The following CPNE5 variants were observed in gnomAD, a reference collection of about 807,000 sequenced individuals.
The protein encoded by CPNE5 is copine 5.
Under a neutral mutation model 81.1 loss-of-function variants are expected in CPNE5, and 42 were observed. That is an observed-to-expected ratio of 0.52 (90% CI 0.40 to 0.67). The LOEUF is 0.67. Ranked by LOEUF, CPNE5 falls within the 30% of genes least tolerant of loss-of-function variation. The pLI, the probability that CPNE5 is intolerant of heterozygous loss-of-function variation, is 0.00. For synonymous variants in CPNE5, 313 were observed against 321.5 expected, an observed-to-expected ratio of 0.97 and a Z score of 0.28; for missense variants, 612 against 815.5, an observed-to-expected ratio of 0.75 and a Z score of 3.04.
At chr6:36,764,016 G>A (rs941415461) in intron 11 of CPNE5, among the ~76,000 whole-genome samples, 1 of 152,146 alleles carries the variant, frequency 6.6e-6, no homozygotes, top group African/African-American at 2.4e-5. Flanking sequence ...GAGGGCCTTG[G>A]TCAATGTGCT....
At chr6:36,814,929 G>A (rs750039335) in intron 3 of CPNE5, among the ~76,000 whole-genome samples, 6 of 152,132 alleles carry the variant, frequency 3.9e-5, no homozygotes, top group East Asian at 3.9e-4. Flanking sequence ...CACTTTGGGA[G>A]GCCAAGGCAG....
At chr6:36,765,239 G>A (rs111864259) in intron 11 of CPNE5, 96 bp downstream of exon 11, 98 of 1,390,116 alleles carry the variant, frequency 7.0e-5, no homozygotes, top group South Asian at 6.6e-4. Flanking sequence ...GCCACTGCGG[G>A]GGGGAGCCTG....
At chr6:36,747,132 G>A (rs1009301446) in intron 15 of CPNE5, among the ~76,000 whole-genome samples, 27 of 152,080 alleles carry the variant, frequency 1.8e-4, no homozygotes, top group African/African-American at 5.8e-4. Flanking sequence ...TCCCTGGCCC[G>A]CTCCCTGGCC....
At chr6:36,797,064 C>T (rs548971627) in intron 6 of CPNE5, among the ~76,000 whole-genome samples, 22 of 152,272 alleles carry the variant, frequency 1.4e-4, no homozygotes, top group African/African-American at 5.3e-4. Flanking sequence ...ACCACCACAC[C>T]CAGCTAATTT....
At chr6:36,825,023 T>A (rs1342361534) in intron 1 of CPNE5, among the ~76,000 whole-genome samples, 1 of 152,124 alleles carries the variant, frequency 6.6e-6, no homozygotes, top group African/African-American at 2.4e-5. Context: ...TCCTCCATGA[T>A]GGGGACATGA....
intron 8 of CPNE5, among the ~76,000 whole-genome samples, chr6:36,782,851 A>ACACC (rs1173172501): frequency 6.6e-6 from 1 of 151,454 alleles, no homozygotes; most frequent in East Asian, 1.9e-4. Context: ...ACACACACAC[A>ACACC]CACACACACA....
chr6:36,752,510 GTCCCCC>G (rs1428329170), intron 14 of CPNE5: 1 of 152,692 alleles, frequency 6.5e-6, no homozygotes, highest in East Asian at 1.9e-4. Flanking sequence ...GTTAATCACT[GTCCCCC>G]TCCCCCAACC....
At position 36,839,257 on chromosome 6, in the gene CPNE5, G is replaced by A. The variant is rs1191453091; in HGVS notation, c.95+26C>T. 4 of 1,492,360 alleles carry A rather than the reference G, an allele frequency of 2.7e-6. No homozygotes were observed. The highest frequency in any genetic ancestry group is 3.6e-6 in the Non-Finnish European group (4 of 1,105,388). The allele number at this position is 1,492,360 out of a possible 1,614,324, so 92.4% of individuals were successfully genotyped here. On this transcript the variant is annotated intron_variant, in intron 1 of 20. Coordinates refer to ENST00000244751, the MANE Select transcript of CPNE5 (RefSeq NM_020939.2). The surrounding 1 kb of genome is among the most constrained non-coding windows in gnomAD (Gnocchi z 7.3). The stretch of plus-strand genomic sequence containing the variant: ...GGCTCTGCGTCCAGGGCCGGGGCAA[G>A]GGGACCCGGCCAGCGGGAGGCTCAC...
intron 3 of CPNE5, among the ~76,000 whole-genome samples, chr6:36,803,931 A>G (rs532127084): frequency 2.6e-5 from 4 of 152,338 alleles, no homozygotes; most frequent in African/African-American, 7.2e-5. Flanking sequence ...GTGCAGGTGG[A>G]GTTGAGAACC....
chr6:36,783,472 AC>A (rs1768238028), intron 8 of CPNE5, among the ~76,000 whole-genome samples: 1 of 151,068 alleles, frequency 6.6e-6, no homozygotes, highest in African/African-American at 2.4e-5. Context: ...CCTTTCGACA[AC>A]CCTATGAGGA....
At chr6:36,782,331 A>C (rs1768100516) in intron 8 of CPNE5, among the ~76,000 whole-genome samples, 1 of 152,328 alleles carries the variant, frequency 6.6e-6, no homozygotes, top group East Asian at 1.9e-4. Flanking sequence ...AACAGAGGCC[A>C]CAAAATCCAG....
At chr6:36,826,120 A>G (rs577668312) in intron 1 of CPNE5, among the ~76,000 whole-genome samples, 1 of 152,206 alleles carries the variant, frequency 6.6e-6, no homozygotes, top group East Asian at 1.9e-4. Context: ...GAGGCCCTGG[A>G]TATCAGCCTA....
intron 9 of CPNE5, among the ~76,000 whole-genome samples, chr6:36,776,304 T>C (rs1767496361): frequency 6.6e-6 from 1 of 152,234 alleles, no homozygotes; most frequent in South Asian, 2.1e-4. Flanking sequence ...ATTTCTTCTT[T>C]GGCAATTTTC....
At chr6:36,823,781 C>A (rs964654020) in intron 1 of CPNE5, among the ~76,000 whole-genome samples, 1 of 152,218 alleles carries the variant, frequency 6.6e-6, no homozygotes, top group Admixed American at 6.5e-5. Context: ...ATTTACTGAG[C>A]CCCGGCGATG....
At chr6:36,807,683 T>A (rs768247223) in intron 3 of CPNE5, among the ~76,000 whole-genome samples, 3 of 152,184 alleles carry the variant, frequency 2.0e-5, no homozygotes, top group Non-Finnish European at 4.4e-5. Flanking sequence ...CCGAAAGCCC[T>A]AGCTCTCAGT....
intron 6 of CPNE5, among the ~76,000 whole-genome samples, chr6:36,795,602 C>G (rs78675552): frequency 3.9e-5 from 6 of 152,298 alleles, no homozygotes; most frequent in African/African-American, 1.4e-4. Context: ...AGAGAGATGA[C>G]AATCTGAAGA....
At chr6:36,757,938 A>G (rs976709994) in intron 12 of CPNE5, among the ~76,000 whole-genome samples, 10 of 152,148 alleles carry the variant, frequency 6.6e-5, no homozygotes, top group Admixed American at 6.5e-4. Context: ...TAGAATGCCC[A>G]GTGAAAAATG....
At chr6:36,808,615 G>T (rs140542951) in intron 3 of CPNE5, among the ~76,000 whole-genome samples, 34 of 152,052 alleles carry the variant, frequency 2.2e-4, no homozygotes, top group African/African-American at 8.2e-4. Flanking sequence ...CCCTGAGAGG[G>T]TGTACCTCCC....
chr6:36,744,929 C>T (rs1397524623), intron 18 of CPNE5, 119 bp downstream of exon 18: 4 of 716,682 alleles, frequency 5.6e-6, no homozygotes, highest in Non-Finnish European at 9.8e-6. Context: ...AGAAGCCACG[C>T]CCAAGTCATC....
Sources: allele counts gnomAD v4.1 joint callset (sites outside exome capture counted in the v4.1 genomes callset), GRCh38; gene constraint gnomAD v4.1.1; non-coding constraint Gnocchi (gnomAD v3.1); transcripts MANE v1.5; gene names NCBI Gene and HGNC (gene_info 2026-07-23, HGNC 2026-07-21).